The following MYO1H variants were observed in gnomAD, a reference collection of about 807,000 sequenced individuals.
MYO1H encodes the protein unconventional myosin-Ih.
A neutral mutation model predicts 149.3 loss-of-function variants in MYO1H; 118 were observed. The ratio of observed to expected loss-of-function variants is 0.79; its 90% CI spans 0.68 to 0.92. The LOEUF (loss-of-function observed/expected upper bound fraction) is 0.92. MYO1H is among the 40% of genes least tolerant of loss of function. The probability of loss-of-function intolerance (pLI) is 0.00; values close to 1 mark genes in which losing one functional copy is unlikely to be tolerated. For missense variants in MYO1H, 1,212 were observed against 1,280.7 expected (o/e 0.95, Z 0.82); for synonymous variants, 447 against 465.2 (o/e 0.96, Z 0.50).
chr12:109,415,617 A>G lies in MYO1H; in HGVS notation c.1594A>G (p.Lys532Glu), dbSNP rs777597410. The G allele has an allele frequency of 6.3e-6, 10 of 1,595,268 alleles. No homozygotes were observed. Among genetic ancestry groups the G allele is most frequent in the African/African-American group, 1.3e-5 (1 of 74,620 alleles). The change falls in exon 15 of 32, where the codon AAG becomes GAG. Residue 532 changes from lysine (K) to glutamate (E), a missense_variant. By Grantham distance (56) the Lys-to-Glu change is moderately conservative (BLOSUM62 1). Coordinates refer to ENST00000310903, the Ensembl canonical transcript of MYO1H. The stretch of plus-strand genomic sequence containing the variant: ...TGCAGGAGAGGTCACATACTGCACC[A>G]AGGGTGAGTGGCCGTGGGGTACAGG...
At chr12:109,344,266 A>C (rs562234858), upstream of MYO1H, among the ~76,000 whole-genome samples, 1 of 152,304 alleles carries the variant, frequency 6.6e-6, no homozygotes, top group Admixed American at 6.5e-5. Flanking sequence ...CACCAAGAAA[A>C]CTGTTACAGC....
At chr12:109,353,711 G>A (rs541396785) in intron 1 of MYO1H, among the ~76,000 whole-genome samples, 2 of 152,208 alleles carry the variant, frequency 1.3e-5, no homozygotes, top group South Asian at 4.2e-4. Flanking sequence ...GAGTGCAGTG[G>A]CACCATCTCG....
chr12:109,378,754 C>T (rs551605954), intron 1 of MYO1H, among the ~76,000 whole-genome samples: 2 of 149,740 alleles, frequency 1.3e-5, no homozygotes, highest in East Asian at 2.0e-4. Context: ...GAAGCTAGCA[C>T]GTAGAGAGAT....
At chr12:109,412,129 A>G in intron 14 of MYO1H, 144 bp downstream of exon 14, 1 of 565,152 alleles carries the variant, frequency 1.8e-6, no homozygotes, top group Non-Finnish European at 3.0e-6. Flanking sequence ...GATGTGCCAG[A>G]CCTTTGTTAG....
chr12:109,393,515 C>A, intron 3 of MYO1H, 69 bp downstream of exon 3: 1 of 970,628 alleles, frequency 1.0e-6, no homozygotes. Flanking sequence ...CTCCTTCCTT[C>A]TCACCACGCA....
chr12:109,321,884 AAC>A, the MYO1H span, among the ~76,000 whole-genome samples: 1 of 152,200 alleles, frequency 6.6e-6, no homozygotes, highest in Non-Finnish European at 1.5e-5. Context: ...AGTTTTGCAG[AAC>A]ACGATGTAAT....
chr12:109,410,503 T>G (rs1870618432), intron 12 of MYO1H, among the ~76,000 whole-genome samples, 185 bp from the exon 13 acceptor site: 3 of 152,230 alleles, frequency 2.0e-5, no homozygotes, highest in African/African-American at 7.2e-5. Flanking sequence ...TACTGAGGAT[T>G]AATTTTTAGG....
At chr12:109,385,852 C>T (rs1421020067) in intron 1 of MYO1H, among the ~76,000 whole-genome samples, 4 of 152,098 alleles carry the variant, frequency 2.6e-5, no homozygotes, top group Admixed American at 2.6e-4. Flanking sequence ...CCAGCCAATC[C>T]CTACCTCTTC....
intron 17 of MYO1H, 21 bp from the exon 18 acceptor site, chr12:109,425,924 CT>C: frequency 6.4e-7 from 1 of 1,561,628 alleles, no homozygotes; most frequent in Non-Finnish European, 8.8e-7. Context: ...CGTTCTCTCT[CT>C]CTTTCTCTCT....
chr12:109,432,932 G>A lies in MYO1H; in HGVS notation c.1985G>A (p.Trp662Ter), dbSNP rs1268878532. 6.2e-7 allele frequency: 1 copy of A among 1,614,004 alleles called. No homozygotes were observed. The change falls in exon 20 of 32, where the codon TGG (tryptophan) becomes TAG (stop). Residue 662 changes from tryptophan (W) to a stop codon, truncating the protein, a stop_gained. Coordinates refer to ENST00000310903, the Ensembl canonical transcript of MYO1H. LOFTEE classifies it high-confidence loss of function. ...TTATGCCCAGACACCTGGCCGCACT[G>A]GCACGGGCCTCCAGCAGAGGGCGTG...
At chr12:109,328,272 T>C in the MYO1H span, among the ~76,000 whole-genome samples, 4 of 152,060 alleles carry the variant, frequency 2.6e-5, no homozygotes, top group Non-Finnish European at 5.9e-5. Flanking sequence ...TGGCATTTGG[T>C]ACATTCACGA....
chr12:109,341,439 G>T, the MYO1H span, among the ~76,000 whole-genome samples: 1 of 152,110 alleles, frequency 6.6e-6, no homozygotes. Flanking sequence ...AGCAATCGTG[G>T]AAATAAATGA....
chr12:109,443,666 C>CT lies in MYO1H; in HGVS notation c.2824+20dup, dbSNP rs1397746659. 5 of 1,612,956 alleles carry CT rather than the reference C, an allele frequency of 3.1e-6. No individual in the cohort carries two copies. In the Admixed American group the frequency reaches 6.7e-5, roughly 22 times the overall value. On this transcript the variant is annotated intron_variant, in intron 28 of 31. Coordinates refer to ENST00000310903, the Ensembl canonical transcript of MYO1H. Reference sequence around the variant, plus strand: ...CTCTCAAAGGTAAGAAGTGGGCAATCTTTAAAACAATGCACTGAGTTGACT... The same window carrying CT: ...CTCTCAAAGGTAAGAAGTGGGCAATCTTTTAAAACAATGCACTGAGTTGACT...
rs541289093 is a variant in MYO1H, at chr12:109,358,846, T to TAAAAAAAAAAAAA, written c.12+10886_12+10898dup. Among the ~76,000 whole-genome samples the TAAAAAAAAAAAAA allele has an allele frequency of 1.1e-3, 95 of 84,534 alleles. 2 individuals are homozygous for TAAAAAAAAAAAAA. The highest frequency in any genetic ancestry group is 5.3e-3 in the African/African-American group (94 of 17,856). 55.5% of individuals were successfully genotyped at this position (84,534 alleles called of 152,430 possible). A position where few individuals can be genotyped will look rare whatever the true frequency, so the allele number is the denominator to read the frequency against. Reference sequence around the variant, plus strand: ...TTCTGGGGGAAGCATCCTGTGGTGTTAAAAAAAAAAAAAAAAAAAAAAAAG... The same window carrying TAAAAAAAAAAAAA: ...TTCTGGGGGAAGCATCCTGTGGTGTTAAAAAAAAAAAAAAAAAAAAAAAAAAAAAAAAAAAAAG... On this transcript the variant is annotated intron_variant, in intron 1 of 31. Transcript: ENST00000310903.
At chr12:109,415,694 A>C (rs1184260064) in intron 15 of MYO1H, 74 bp downstream of exon 15, 1 of 1,109,260 alleles carries the variant, frequency 9.0e-7, no homozygotes, top group Non-Finnish European at 1.3e-6. Context: ...CTCCGAGTCC[A>C]TGCAGGAAAT....
At chr12:109,341,234 A>AAC in the MYO1H span, among the ~76,000 whole-genome samples, 1 of 151,662 alleles carries the variant, frequency 6.6e-6, no homozygotes, top group African/African-American at 2.4e-5. Context: ...CATCTCAAAA[A>AAC]AAAAAAAAAA....
intron 25 of MYO1H, 131 bp from the exon 26 acceptor site, chr12:109,441,483 CT>C: frequency 1.8e-6 from 1 of 557,174 alleles, no homozygotes; most frequent in Non-Finnish European, 3.1e-6. Flanking sequence ...GGTGTTCTGA[CT>C]TGTATGCTCC....
At chr12:109,353,538 G>A (rs1047004376) in intron 1 of MYO1H, among the ~76,000 whole-genome samples, 10 of 151,892 alleles carry the variant, frequency 6.6e-5, no homozygotes, top group East Asian at 3.9e-4. Context: ...TAGGTGTGTC[G>A]TTCTTAATTT....
rs975294908 is a variant in MYO1H, at chr12:109,426,058, T to C, written c.1831+7T>C. The stretch of plus-strand genomic sequence containing the variant: ...AACGACAGGAAAGAACCCAGTGAGT[T>C]GTGGATCATTATGAACTGGGCTCAG... On this transcript the variant is annotated splice_region_variant and intron_variant, in intron 18 of 31. Transcript: ENST00000310903. The C allele has an allele frequency of 1.7e-5, 28 of 1,603,808 alleles. No homozygotes were observed. Among genetic ancestry groups the C allele is most frequent in the Non-Finnish European group, 2.3e-5 (27 of 1,171,214 alleles).
Sources: gnomAD v4.1 joint callset for allele counts (sites outside exome capture counted in the v4.1 genomes callset) on GRCh38, gnomAD v4.1.1 for gene constraint, MANE v1.5 for transcripts, NCBI Gene and HGNC (gene_info 2026-07-23, HGNC 2026-07-21) for gene names.